The following TRRAP variants were observed in gnomAD, a reference collection of about 807,000 sequenced individuals.
The protein encoded by TRRAP is transformation/transcription domain associated protein, also known as transformation/transcription domain-associated protein.
Under a neutral mutation model 438.8 loss-of-function variants are expected in TRRAP, and 41 were observed. The observed-to-expected ratio is 0.09, with a 90% CI of 0.07 to 0.12. The LOEUF is 0.12. Among genes scored for constraint, TRRAP ranks in the 10% least tolerant of loss-of-function variants. The pLI, the probability that TRRAP is intolerant of heterozygous loss-of-function variation, is 1.00. For missense variants in TRRAP, 3,122 were observed against 5,055.1 expected (o/e 0.62, Z 11.60); for synonymous variants, 1,994 against 1,962.9 (o/e 1.02, Z -0.42).
intron 22 of TRRAP, among the ~76,000 whole-genome samples, chr7:98,926,559 C>T (rs770484645): frequency 5.9e-5 from 9 of 152,164 alleles, no homozygotes; most frequent in Non-Finnish European, 1.3e-4. Flanking sequence ...AAACAGAAAT[C>T]TGCCACCAGC....
chr7:98,951,059 CTGTGTG>C (rs67173253), intron 39 of TRRAP, 55 bp downstream of exon 39: 338 of 969,070 alleles, frequency 3.5e-4, no homozygotes, highest in African/African-American at 1.0e-3. Flanking sequence ...GGATGAACAT[CTGTGTG>C]TGTGTGTGTG....
rs1789484697 is a variant in TRRAP at position 98,915,595 on chromosome 7, T to C, written c.2200-128T>C. The C allele has an allele frequency of 3.4e-6, 4 of 1,180,850 alleles. No homozygotes were observed. The South Asian group carries it at 6.9e-5, about 20-fold the overall frequency. 73.1% of individuals were successfully genotyped at this position (1,180,850 alleles called of 1,614,324 possible). On this transcript the variant is annotated intron_variant, in intron 18 of 72. Transcript: ENST00000456197. ...GATTGGAATATGCTTGTTTGGTTTT[T>C]TCCCTTTGGAGTAAACACATCAGAA...
In TRRAP at chr7:99,011,345, C is replaced by G; in HGVS notation, c.11147C>G (p.Thr3716Ser). Reference protein sequence around the residue: ...NPEMLQIAQDTGKLNVAYFRF... With the variant: ...NPEMLQIAQDSGKLNVAYFRF... Reference sequence around the variant, plus strand: ...GTGTCTCCTTCTGAAATTTAGGACACTGGCAAACTGAATGTTGCCTACTTT... The same window carrying G: ...GTGTCTCCTTCTGAAATTTAGGACAGTGGCAAACTGAATGTTGCCTACTTT... Residue 3716 changes from threonine to serine, a missense_variant, in exon 72 of 73, where the codon ACT (threonine) becomes AGT (serine). Thr to Ser is a moderately conservative substitution (Grantham distance 58). Coordinates refer to ENST00000456197, the MANE Select transcript of TRRAP (RefSeq NM_001375524.1). The surrounding 1 kb of genome is among the most constrained non-coding windows in gnomAD (Gnocchi z 7.1). The G allele has an allele frequency of 4.3e-6, 7 of 1,613,960 alleles. No homozygotes were observed. The highest frequency in any genetic ancestry group is 5.9e-6 in the Non-Finnish European group (7 of 1,179,834).
At chr7:98,977,328 A>T (rs189331557) in intron 56 of TRRAP, among the ~76,000 whole-genome samples, 67 of 152,172 alleles carry the variant, frequency 4.4e-4, no homozygotes, top group Admixed American at 2.7e-3. Context: ...TGCCCAGCTA[A>T]TCTTTGTATT....
At chr7:98,885,302 T>G (rs1795646962) in intron 3 of TRRAP, among the ~76,000 whole-genome samples, 1 of 151,930 alleles carries the variant, frequency 6.6e-6, no homozygotes, top group South Asian at 2.1e-4. Context: ...CCAGTCTGGT[T>G]GAACTCTGGG....
In TRRAP at chr7:99,011,314, C is replaced by G. The variant is rs747643689; in HGVS notation, c.11143-27C>G. ...GTGACATCGCCTTTCTGCTGAAGTT[C>G]CTAAAGTGTCTCCTTCTGAAATTTA... On this transcript the variant is annotated intron_variant, in intron 71 of 72. Coordinates refer to ENST00000456197, the MANE Select transcript of TRRAP (RefSeq NM_001375524.1). The surrounding 1 kb of genome is among the most constrained non-coding windows in gnomAD (Gnocchi z 7.1). 1.2e-6 allele frequency: 2 copies of G among 1,613,026 alleles called. No individual in the cohort carries two copies. Among genetic ancestry groups the G allele is most frequent in the South Asian group, 2.2e-5 (2 of 91,064 alleles).
At chr7:98,896,652 G>A (rs1796220712) in intron 7 of TRRAP, among the ~76,000 whole-genome samples, 1 of 152,024 alleles carries the variant, frequency 6.6e-6, no homozygotes, top group South Asian at 2.1e-4. Flanking sequence ...CCAGAGTGCT[G>A]GGATTACAGG....
intron 62 of TRRAP, among the ~76,000 whole-genome samples, chr7:98,987,360 T>C (rs1392878308): frequency 6.6e-6 from 1 of 152,260 alleles, no homozygotes; most frequent in Non-Finnish European, 1.5e-5. Context: ...ACGAGATGTC[T>C]TTCCACTAGT....
chr7:98,937,866 T>G (rs782238024), intron 30 of TRRAP, 46 bp downstream of exon 30: 2 of 1,522,230 alleles, frequency 1.3e-6, no homozygotes, highest in South Asian at 2.5e-5. Context: ...TTTCAAAAAA[T>G]TAAATTATTT....
chr7:98,916,031 C>A, intron 19 of TRRAP, 143 bp downstream of exon 19: 1 of 1,120,512 alleles, frequency 8.9e-7, no homozygotes, highest in East Asian at 2.6e-5. Flanking sequence ...CGCCGCCCCC[C>A]TGCCCCCCTC....
intron 3 of TRRAP, among the ~76,000 whole-genome samples, chr7:98,885,832 G>A (rs1324902428): frequency 6.6e-6 from 1 of 152,224 alleles, no homozygotes; most frequent in Admixed American, 6.5e-5. Flanking sequence ...CAGTGAGTCA[G>A]GGCACCAAGT....
chr7:98,915,719 G>T lies in TRRAP; in HGVS notation c.2200-4G>T, dbSNP rs370458834. 1 of 1,612,546 alleles carries T rather than the reference G, an allele frequency of 6.2e-7. No individual in the cohort carries two copies. Among genetic ancestry groups the T allele is most frequent in the Admixed American group, 1.7e-5 (1 of 59,918 alleles). On this transcript the variant is annotated splice_polypyrimidine_tract_variant and splice_region_variant and intron_variant, in intron 18 of 72. Coordinates refer to ENST00000456197, the MANE Select transcript of TRRAP (RefSeq NM_001375524.1). ...CACTAATCTGCGTCTTCTCCACCCC[G>T]CAGCCTCACTTGCACAAGATTGTGA...
intron 3 of TRRAP, among the ~76,000 whole-genome samples, chr7:98,888,880 A>G (rs1311768842): frequency 6.6e-6 from 1 of 151,910 alleles, no homozygotes; most frequent in East Asian, 1.9e-4. Context: ...TGCCTCCCCC[A>G]TCTCTGAGGG....
chr7:98,906,492 G>A (rs1554407562), intron 13 of TRRAP, among the ~76,000 whole-genome samples: 1 of 151,954 alleles, frequency 6.6e-6, no homozygotes. Context: ...GAGTATAGCA[G>A]TGCAATCTTG....
chr7:98,907,056 G>T (rs1796803294), intron 13 of TRRAP, among the ~76,000 whole-genome samples: 6 of 151,702 alleles, frequency 4.0e-5, no homozygotes, highest in Admixed American at 3.9e-4. Flanking sequence ...AGGCACGGTG[G>T]CTCACGCCTG....
At chr7:99,004,475 A>G (rs994567770) in intron 68 of TRRAP, 60 bp downstream of exon 68, 29 of 1,487,260 alleles carry the variant, frequency 1.9e-5, no homozygotes, top group Middle Eastern at 1.9e-4. Flanking sequence ...ATGGAGCCCC[A>G]TGGGAGCTCC....
chr7:98,933,930 G>C (rs536875943), intron 27 of TRRAP, among the ~76,000 whole-genome samples: 1 of 152,356 alleles, frequency 6.6e-6, no homozygotes, highest in South Asian at 2.1e-4. Context: ...GGGCAGGTGA[G>C]CTGGAGAGCT....
intron 40 of TRRAP, among the ~76,000 whole-genome samples, chr7:98,953,898 C>A (rs905341547): frequency 6.6e-6 from 1 of 152,194 alleles, no homozygotes; most frequent in African/African-American, 2.4e-5. Context: ...CTTCCTCCCC[C>A]ATTCCCACTC....
rs550875494 is a variant in TRRAP, at chr7:98,962,449, T to G, written c.6829+22T>G. ...TTCGGTGAGTGTGTGTCTGTCCTGGTGTTCGTGGTGGCTCAGTTTGGCCTC... is the reference window on the plus strand; with the variant it reads ...TTCGGTGAGTGTGTGTCTGTCCTGGGGTTCGTGGTGGCTCAGTTTGGCCTC... On this transcript the variant is annotated intron_variant, in intron 47 of 72. Coordinates refer to ENST00000456197, the MANE Select transcript of TRRAP (RefSeq NM_001375524.1). 6 of 1,613,906 alleles carry G rather than the reference T, an allele frequency of 3.7e-6. No homozygotes were observed. The South Asian group carries it at 6.6e-5, about 18-fold the overall frequency.
Sources: allele counts gnomAD v4.1 joint callset (sites outside exome capture counted in the v4.1 genomes callset), GRCh38; gene constraint gnomAD v4.1.1; non-coding constraint Gnocchi (gnomAD v3.1); transcripts MANE v1.5; gene names NCBI Gene and HGNC (gene_info 2026-07-23, HGNC 2026-07-21).